Variants in REPS2 observed in about 807,000 individuals in gnomAD.
REPS2 encodes ralBP1-associated Eps domain-containing protein 2.
Under a neutral mutation model 53.6 loss-of-function variants are expected in REPS2, and 23 were observed. The ratio of observed to expected loss-of-function variants is 0.43; its 90% CI spans 0.31 to 0.61. REPS2 has a LOEUF of 0.61. Among genes scored for constraint, REPS2 ranks in the 20% least tolerant of loss-of-function variants. The probability of loss-of-function intolerance (pLI) is 0.11; values close to 1 mark genes in which losing one functional copy is unlikely to be tolerated. For missense variants in REPS2, 446 were observed against 534.9 expected, an observed-to-expected ratio of 0.83 and a Z score of 1.64; for synonymous variants, 238 against 218.6, an observed-to-expected ratio of 1.09 and a Z score of -0.78.
At chrX:17,184,738 A>G in the REPS2 span, among the ~76,000 whole-genome samples, 6 of 111,686 alleles carry the variant, frequency 5.4e-5, no homozygotes, top group East Asian at 1.7e-3. Context: ...GTGTGAGATG[A>G]TATCTCATTG....
intron 14 of REPS2, among the ~76,000 whole-genome samples, chrX:17,132,612 A>G (rs1055899395): frequency 3.5e-5 from 4 of 112,706 alleles, no homozygotes; most frequent in African/African-American, 1.3e-4. Context: ...ATCTTGGCTC[A>G]CTGCAGCCTC....
At chrX:17,138,762 G>A in intron 16 of REPS2, 94 bp from the exon 17 acceptor site, 1 of 466,126 alleles carries the variant, frequency 2.1e-6, no homozygotes, top group Non-Finnish European at 3.4e-6. Flanking sequence ...TTAACCACTT[G>A]TTAGTTTAAC....
rs1382452658 is a variant in REPS2, at chrX:17,151,338, AT to A, written c.*3858del. ...TTCTCTTTAGTTGTGATTTGATTCT[AT>A]AGTCTGTTTCTAAATGACATTTGTC... On this transcript the variant is annotated 3_prime_UTR_variant, in exon 18 of 18. Coordinates refer to ENST00000357277, the MANE Select transcript of REPS2 (RefSeq NM_004726.3). The A allele has an allele frequency of 8.9e-6, 1 of 112,589 alleles. No homozygotes were observed. The highest frequency in any genetic ancestry group is 1.9e-5 in the Non-Finnish European group (1 of 53,308). The allele number at this position is 112,589 out of a possible 1,213,427, so 9.3% of individuals were successfully genotyped here. A position where few individuals can be genotyped will look rare whatever the true frequency, so the allele number is the denominator to read the frequency against.
downstream of REPS2, among the ~76,000 whole-genome samples, chrX:17,153,554 C>T (rs1031319845): frequency 9.0e-6 from 1 of 111,667 alleles, no homozygotes; most frequent in Non-Finnish European, 1.9e-5. Flanking sequence ...TTTGCTTTAT[C>T]TTGTCAGTGT....
chrX:16,946,664 C>A lies in REPS2; in HGVS notation c.-198C>A. ...TGCCGCGCAGCTGAGGCACAACATT[C>A]AAGCCCGGGGGTGGGGCCGGCGCGC... On this transcript the variant is annotated 5_prime_UTR_variant, in exon 1 of 18. Coordinates refer to ENST00000357277, the MANE Select transcript of REPS2 (RefSeq NM_004726.3). 7.0e-6 allele frequency: 2 copies of A among 284,243 alleles called. No individual in the cohort carries two copies. Among genetic ancestry groups the A allele is most frequent in the African/African-American group, 3.0e-5 (1 of 33,128 alleles). The allele number at this position is 284,243 out of a possible 1,213,427, so 23.4% of individuals were successfully genotyped here. A position where few individuals can be genotyped will look rare whatever the true frequency, so the allele number is the denominator to read the frequency against.
intron 5 of REPS2, among the ~76,000 whole-genome samples, chrX:17,030,824 T>C (rs932022339): frequency 8.9e-6 from 1 of 112,337 alleles, no homozygotes; most frequent in Non-Finnish European, 1.9e-5. Flanking sequence ...AATCCAGGCC[T>C]GTCCAATGTC....
intron 16 of REPS2, chrX:17,136,628 A>G (rs1236116826): frequency 8.9e-6 from 1 of 112,318 alleles, no homozygotes; most frequent in African/African-American, 3.2e-5. Context: ...TCTCTTTTTT[A>G]TAACAGCTTT....
At chrX:17,027,341 T>C (rs772543609) in intron 4 of REPS2, among the ~76,000 whole-genome samples, 6 of 112,490 alleles carry the variant, frequency 5.3e-5, no homozygotes, top group Non-Finnish European at 1.1e-4. Flanking sequence ...CATCTTTCCT[T>C]CAGCATAATG....
intron 16 of REPS2, chrX:17,136,392 T>G (rs1195087902): frequency 9.0e-6 from 1 of 111,400 alleles, no homozygotes; most frequent in Non-Finnish European, 1.9e-5. Context: ...AAGTATATTT[T>G]GTTCATCACA....
chrX:16,958,192 A>G (rs1420508100), intron 1 of REPS2, among the ~76,000 whole-genome samples: 2 of 111,674 alleles, frequency 1.8e-5, no homozygotes, highest in African/African-American at 6.5e-5. Context: ...GAGTTTCCTG[A>G]TGATGTCTCA....
At chrX:17,067,228 T>C (rs968738593) in intron 9 of REPS2, among the ~76,000 whole-genome samples, 3 of 112,382 alleles carry the variant, frequency 2.7e-5, no homozygotes, top group Non-Finnish European at 5.6e-5. Flanking sequence ...ATAAAGCAAA[T>C]GTGAATATAT....
At chrX:17,062,610 G>T in intron 9 of REPS2, 78 bp downstream of exon 9, 1 of 713,023 alleles carries the variant, frequency 1.4e-6, no homozygotes, top group Non-Finnish European at 2.0e-6. Context: ...TACAAATTCT[G>T]GAAAATGAAC....
chrX:17,134,133 GC>G (rs927627236), intron 15 of REPS2, among the ~76,000 whole-genome samples: 4 of 111,394 alleles, frequency 3.6e-5, no homozygotes, highest in Non-Finnish European at 7.5e-5. Flanking sequence ...AACCTCCTTA[GC>G]CCCCCAGCTA....
rs111476471 is a variant in REPS2 at position 16,997,200 on chromosome X, C to T, written c.274-9021C>T. Among the ~76,000 whole-genome samples, 619 of 112,407 alleles carry T rather than the reference C, an allele frequency of 5.5e-3. 5 individuals are homozygous for T. The highest frequency in any genetic ancestry group is 0.019 in the African/African-American group (591 of 30,929). ...CAGAATGCTAAAACTAATTTTCTTT[C>T]GTAATCTGAGCCGTAATTGCATTTT... is the stretch of plus-strand genomic sequence containing the variant. On this transcript the variant is annotated intron_variant, in intron 1 of 17. Coordinates refer to ENST00000357277, the MANE Select transcript of REPS2 (RefSeq NM_004726.3).
the REPS2 span, among the ~76,000 whole-genome samples, chrX:17,165,924 G>A: frequency 4.5e-5 from 5 of 111,626 alleles, no homozygotes; most frequent in African/African-American, 1.3e-4. Flanking sequence ...CAAAAGAGAT[G>A]TTCTTGCATT....
chrX:17,177,854 G>A, the REPS2 span, among the ~76,000 whole-genome samples: 1 of 111,593 alleles, frequency 9.0e-6, no homozygotes, highest in South Asian at 3.8e-4. Flanking sequence ...TCAGGAGTTG[G>A]GGGAGAAGTT....
At chrX:17,190,703 A>G in the REPS2 span, among the ~76,000 whole-genome samples, 2 of 112,399 alleles carry the variant, frequency 1.8e-5, no homozygotes, top group Non-Finnish European at 3.8e-5. Context: ...AAGTAACACT[A>G]TTTAATTTCA....
At chrX:16,999,543 C>T (rs942562078) in intron 1 of REPS2, among the ~76,000 whole-genome samples, 111 of 110,292 alleles carry the variant, frequency 1.0e-3, no homozygotes, top group African/African-American at 3.5e-3. Flanking sequence ...CTGTATTTAG[C>T]ATCTGGACTG....
Position 16,957,883 on chromosome X carries a change from G to A in REPS2, c.273+10749G>A, listed in dbSNP as rs1324971300. Among the ~76,000 whole-genome samples, 9 of 111,770 alleles carry A rather than the reference G, an allele frequency of 8.1e-5. No individual in the cohort carries two copies. The East Asian group carries it at 2.5e-3, about 31-fold the overall frequency. On this transcript the variant is annotated intron_variant, in intron 1 of 17. Transcript: ENST00000357277. ...CCTGGTCTCTACCCACAAGATACCAGTAGCTATTCTTCTCCTGATTGTGAC... is the reference window on the plus strand; with the variant it reads ...CCTGGTCTCTACCCACAAGATACCAATAGCTATTCTTCTCCTGATTGTGAC...
Sources: allele counts gnomAD v4.1 joint callset (sites outside exome capture counted in the v4.1 genomes callset), GRCh38; gene constraint gnomAD v4.1.1; transcripts MANE v1.5; gene names NCBI Gene and HGNC (gene_info 2026-07-23, HGNC 2026-07-21).